The following MACROD2 variants were observed in gnomAD, a reference collection of about 807,000 sequenced individuals.
The protein encoded by MACROD2 is mono-ADP ribosylhydrolase 2.
Under a neutral mutation model 70.4 loss-of-function variants are expected in MACROD2, and 36 were observed. The ratio of observed to expected loss-of-function variants is 0.51; its 90% CI spans 0.39 to 0.68. MACROD2 has a LOEUF of 0.68. MACROD2 is among the 30% of genes least tolerant of loss of function. MACROD2 has a pLI of 0.00. For missense variants in MACROD2, 496 were observed against 538.4 expected (o/e 0.92, Z 0.78); for synonymous variants, 172 against 178.8 (o/e 0.96, Z 0.30).
chr20:14,413,274 A>G (rs902772620), intron 3 of MACROD2, among the ~76,000 whole-genome samples: 2 of 149,422 alleles, frequency 1.3e-5, no homozygotes, highest in African/African-American at 4.9e-5. Context: ...ATATCTATTA[A>G]TATATAGTAT....
intron 5 of MACROD2, among the ~76,000 whole-genome samples, chr20:15,033,469 C>T (rs137860966): frequency 1.3e-5 from 2 of 152,248 alleles, no homozygotes; most frequent in East Asian, 3.9e-4. Flanking sequence ...TGCTGCTTGT[C>T]GCAGTATATG....
chr20:14,199,997 G>C (rs1020987068), intron 3 of MACROD2, among the ~76,000 whole-genome samples: 1 of 152,108 alleles, frequency 6.6e-6, no homozygotes, highest in African/African-American at 2.4e-5. Context: ...AAGAACCAAT[G>C]TCATGATTAG....
At chr20:15,502,276 T>C (rs2047373967) in intron 8 of MACROD2, among the ~76,000 whole-genome samples, 1 of 152,106 alleles carries the variant, frequency 6.6e-6, no homozygotes, top group South Asian at 2.1e-4. Context: ...ACAGAGGTCT[T>C]GAGTTAAAAC....
At chr20:14,654,787 C>T (rs1050800872) in intron 4 of MACROD2, among the ~76,000 whole-genome samples, 3 of 152,122 alleles carry the variant, frequency 2.0e-5, no homozygotes, top group African/African-American at 7.2e-5. Flanking sequence ...CAAGAGCTCT[C>T]TATTTCACTA....
chr20:15,829,840 G>GC (rs1192001706), intron 8 of MACROD2, among the ~76,000 whole-genome samples: 1 of 152,168 alleles, frequency 6.6e-6, no homozygotes, highest in African/African-American at 2.4e-5. Flanking sequence ...GGCAATGTGA[G>GC]CATACAGAAG....
At chr20:15,499,142 G>GCTT (rs1275023727) in intron 7 of MACROD2, among the ~76,000 whole-genome samples, 1 of 152,182 alleles carries the variant, frequency 6.6e-6, no homozygotes, top group Non-Finnish European at 1.5e-5. Flanking sequence ...GAGCATGTAC[G>GCTT]CTTCTGCTCT....
intron 2 of MACROD2, among the ~76,000 whole-genome samples, chr20:14,011,848 T>C (rs117593100): frequency 0.024 from 3,706 of 152,104 alleles, 60 homozygotes; most frequent in Middle Eastern, 0.041. Flanking sequence ...ATTTTCTTAA[T>C]GGCATCTGGG....
intron 15 of MACROD2, among the ~76,000 whole-genome samples, chr20:16,006,779 G>A (rs985559365): frequency 6.6e-6 from 1 of 152,070 alleles, no homozygotes; most frequent in Non-Finnish European, 1.5e-5. Flanking sequence ...CTCATGTCTA[G>A]TTTCTCATTA....
intron 6 of MACROD2, among the ~76,000 whole-genome samples, chr20:15,366,806 C>T (rs550313865): frequency 6.6e-6 from 1 of 151,680 alleles, no homozygotes; most frequent in East Asian, 2.0e-4. Context: ...AACAATCCTC[C>T]AGCCTCCACC....
At chr20:15,668,758 C>A (rs762894103) in intron 8 of MACROD2, among the ~76,000 whole-genome samples, 2 of 152,264 alleles carry the variant, frequency 1.3e-5, no homozygotes, top group Admixed American at 1.3e-4. Context: ...TTGACACTGG[C>A]GTCATTGCCT....
At chr20:15,855,250 G>T (rs1406896647) in intron 8 of MACROD2, among the ~76,000 whole-genome samples, 1 of 152,172 alleles carries the variant, frequency 6.6e-6, no homozygotes, top group African/African-American at 2.4e-5. Flanking sequence ...CAGGGCCAGT[G>T]GATATGATGC....
chr20:14,244,283 T>A, intron 3 of MACROD2, among the ~76,000 whole-genome samples: 1 of 152,154 alleles, frequency 6.6e-6, no homozygotes, highest in Non-Finnish European at 1.5e-5. Flanking sequence ...TGTGTTATGT[T>A]GCTTCTCAGG....
rs569421372 is a variant in MACROD2, at chr20:15,176,241, G to A, written c.419-53699G>A. ...ACCCCTTGGCAGGAACAGCCTGGGCGTTGTGGATGGCATGTTGATGGCAGC... is the reference window on the plus strand; with the variant it reads ...ACCCCTTGGCAGGAACAGCCTGGGCATTGTGGATGGCATGTTGATGGCAGC... On this transcript the variant is annotated intron_variant, in intron 5 of 17. Transcript: ENST00000684519. 2.6e-3 allele frequency among the ~76,000 whole-genome samples: 391 copies of A among 152,294 alleles called. 3 individuals carry two copies. The highest frequency in any genetic ancestry group is 8.9e-3 in the African/African-American group (369 of 41,574).
chr20:15,678,430 G>T (rs1407945659), intron 8 of MACROD2, among the ~76,000 whole-genome samples: 2 of 151,796 alleles, frequency 1.3e-5, no homozygotes, highest in East Asian at 4.0e-4. Context: ...CATGATCTCG[G>T]CTCACTGCAA....
Position 15,499,795 on chromosome 20 carries a change from C to A in MACROD2, c.593C>A (p.Ala198Glu). The A allele has an allele frequency of 6.2e-7, 1 of 1,613,816 alleles. No homozygotes were observed. Among genetic ancestry groups the A allele is most frequent in the Non-Finnish European group, 8.5e-7 (1 of 1,179,766 alleles). The change falls in exon 8 of 18, where the codon GCA (alanine) becomes GAA (glutamate). Residue 198 changes from alanine (A) to glutamate (E), a missense_variant. Transcript: ENST00000684519. ...CTAGGCTTTCCCAACGAGCCTGCTG[C>A]AGTCATTGCCCTCAACACCATTAAG... ...GIYGFPNEPA[A>E]VIALNTIKEW...
At chr20:15,540,835 C>G (rs2047946026) in intron 8 of MACROD2, among the ~76,000 whole-genome samples, 1 of 152,144 alleles carries the variant, frequency 6.6e-6, no homozygotes, top group South Asian at 2.1e-4. Flanking sequence ...AAGCATCAGC[C>G]CAATCTCCTG....
chr20:14,637,083 A>G (rs993144022), intron 4 of MACROD2, among the ~76,000 whole-genome samples: 1 of 152,236 alleles, frequency 6.6e-6, no homozygotes, highest in Non-Finnish European at 1.5e-5. Flanking sequence ...ACACCTACTG[A>G]AAAATGAGAC....
chr20:15,361,540 T>C (rs1350611328), intron 6 of MACROD2, among the ~76,000 whole-genome samples: 1 of 152,220 alleles, frequency 6.6e-6, no homozygotes, highest in Non-Finnish European at 1.5e-5. Context: ...CATTGTCTAT[T>C]CTAGTTCCTT....
intron 5 of MACROD2, among the ~76,000 whole-genome samples, chr20:14,835,298 A>G (rs1247675712): frequency 2.6e-5 from 4 of 152,120 alleles, no homozygotes; most frequent in Non-Finnish European, 5.9e-5. Flanking sequence ...TAGGAGTTCT[A>G]TTTAGAAATG....
Sources: allele counts gnomAD v4.1 joint callset (sites outside exome capture counted in the v4.1 genomes callset), GRCh38; gene constraint gnomAD v4.1.1; transcripts MANE v1.5; gene names NCBI Gene and HGNC (gene_info 2026-07-23, HGNC 2026-07-21).